The following ZNF232 variants were observed in gnomAD, a reference collection of about 807,000 sequenced individuals.
ZNF232 encodes the protein zinc finger and SCAN domain-containing protein 11.
A neutral mutation model predicts 25.2 loss-of-function variants in ZNF232; 25 were observed. The observed-to-expected ratio is 0.99, with a 90% CI of 0.72 to 1.39. ZNF232 has a LOEUF of 1.39. Ranked by LOEUF, ZNF232 falls within the 40% of genes most tolerant of loss-of-function variation. The pLI, the probability that ZNF232 is intolerant of heterozygous loss-of-function variation, is 0.00. For synonymous variants in ZNF232, 193 were observed against 182.9 expected (o/e 1.06, Z -0.45); for missense variants, 519 against 520.9 (o/e 1.00, Z 0.04).
intron 3 of ZNF232, among the ~76,000 whole-genome samples, chr17:5,106,923 C>T (rs1432651946): frequency 6.6e-6 from 1 of 152,042 alleles, no homozygotes; most frequent in Non-Finnish European, 1.5e-5. Flanking sequence ...AAAAACTGTG[C>T]CCTTCCTGGC....
intron 3 of ZNF232, among the ~76,000 whole-genome samples, chr17:5,106,959 C>G (rs770928431): frequency 5.3e-5 from 8 of 152,184 alleles, no homozygotes; most frequent in African/African-American, 1.9e-4. Flanking sequence ...TCTTCCCATC[C>G]GTTTCCCAGC....
At chr17:5,122,891 G>C (rs553476647) in intron 1 of ZNF232, 2 of 152,382 alleles carry the variant, frequency 1.3e-5, no homozygotes, top group Non-Finnish European at 2.9e-5. Context: ...GACGACGCGA[G>C]GGGGAGGGAC....
At chr17:5,117,258 C>G (rs2072558508) in intron 1 of ZNF232, among the ~76,000 whole-genome samples, 1 of 152,224 alleles carries the variant, frequency 6.6e-6, no homozygotes, top group Non-Finnish European at 1.5e-5. Context: ...GGGCTCAAGC[C>G]TCTAATCCCA....
chr17:5,111,449 T>G lies in ZNF232; in HGVS notation c.23+351A>C. 5 of 402,430 alleles carry G rather than the reference T, an allele frequency of 1.2e-5. No individual in the cohort carries two copies. In the South Asian group the frequency reaches 2.1e-4, roughly 17 times the overall value. The allele number at this position is 402,430 out of a possible 1,614,324, so 24.9% of individuals were successfully genotyped here. On this transcript the variant is annotated intron_variant, in intron 1 of 3. Coordinates refer to ENST00000575898, the Ensembl canonical transcript of ZNF232. ...GCGGAGCTCGCGTCTCCCAGGGTGA[T>G]GCCCGGCGCCGCTGGCCCCAGCAAA...
intron 1 of ZNF232, chr17:5,120,791 G>A: frequency 2.2e-6 from 1 of 449,480 alleles, no homozygotes; most frequent in Non-Finnish European, 4.5e-6. Context: ...TCAGCATGGT[G>A]GGTGGCCATA....
chr17:5,120,164 G>A (rs1394950221), intron 1 of ZNF232, among the ~76,000 whole-genome samples: 1 of 152,166 alleles, frequency 6.6e-6, no homozygotes, highest in Non-Finnish European at 1.5e-5. Context: ...CTTTGAGGCT[G>A]GTTATACATT....
intron 1 of ZNF232, among the ~76,000 whole-genome samples, chr17:5,120,044 C>T (rs1375254968): frequency 1.3e-5 from 2 of 152,144 alleles, no homozygotes; most frequent in East Asian, 1.9e-4. Flanking sequence ...AGTCAGGAGG[C>T]CTTACGTGCC....
intron 1 of ZNF232, among the ~76,000 whole-genome samples, chr17:5,119,688 A>G (rs2072608292): frequency 6.6e-6 from 1 of 152,244 alleles, no homozygotes; most frequent in Non-Finnish European, 1.5e-5. Context: ...TGAGTAACTC[A>G]GTGTAAGAAC....
chr17:5,112,382 A>C (rs1355228436), upstream of ZNF232: 1 of 152,886 alleles, frequency 6.5e-6, no homozygotes, highest in African/African-American at 2.4e-5. Flanking sequence ...AGGAGAAAAA[A>C]GAATTCTAAG....
intron 3 of ZNF232, among the ~76,000 whole-genome samples, chr17:5,107,543 CTTTTTT>C (rs563790270): frequency 2.8e-5 from 4 of 143,422 alleles, no homozygotes; most frequent in African/African-American, 1.1e-4. Context: ...GGTCATTTGA[CTTTTTT>C]TTTTTTTTTG....
intron 1 of ZNF232, among the ~76,000 whole-genome samples, chr17:5,122,801 G>C (rs901042067): frequency 3.9e-5 from 6 of 152,258 alleles, no homozygotes; most frequent in African/African-American, 1.4e-4. Context: ...GGTCGGGGCC[G>C]GTGGGTAGGG....
At chr17:5,109,708 C>G in exon 2 of ZNF232, 1 of 1,614,160 alleles carries the variant, frequency 6.2e-7, no homozygotes, top group South Asian at 1.1e-5. Context: ...GTCTCATACT[C>G]ACAAGACTGT....
chr17:5,108,999 T>C (rs772695740), exon 3 of ZNF232: 4 of 1,614,120 alleles, frequency 2.5e-6, no homozygotes, highest in Non-Finnish European at 3.4e-6. Context: ...CTCCCAGAGA[T>C]TCCTTCTTCT....
In ZNF232 at chr17:5,105,764, CAGTCCTAA is replaced by C. The variant is rs1673774015; in HGVS notation, c.*52_*59del. On this transcript the variant is annotated 3_prime_UTR_variant, in exon 4 of 4. Coordinates refer to ENST00000575898, the Ensembl canonical transcript of ZNF232. ...AGGAACTTATAACTTTTATGGGATC[CAGTCCTAA>C]AGTAGATTAGACCGATGTAGAATTC... The C allele has an allele frequency of 2.1e-6, 3 of 1,429,210 alleles. No homozygotes were observed. The Admixed American group carries it at 7.0e-5, about 33-fold the overall frequency. The allele number at this position is 1,429,210 out of a possible 1,614,324, so 88.5% of individuals were successfully genotyped here. A position where few individuals can be genotyped will look rare whatever the true frequency, so the allele number is the denominator to read the frequency against.
rs2072268261 is a variant in ZNF232, at chr17:5,106,661, T to G, written c.626-155A>C. On this transcript the variant is annotated intron_variant, in intron 3 of 3. Coordinates refer to ENST00000575898, the Ensembl canonical transcript of ZNF232. ...TTACTGGATATTGCCAACAGTTATCTCTTGGTGATGGGACTATACAGAGGA... is the reference window on the plus strand; with the variant it reads ...TTACTGGATATTGCCAACAGTTATCGCTTGGTGATGGGACTATACAGAGGA... 3.7e-6 allele frequency: 3 copies of G among 800,196 alleles called. No individual in the cohort carries two copies. In the East Asian group the frequency reaches 8.1e-5, roughly 21 times the overall value. The allele number at this position is 800,196 out of a possible 1,614,324, so 49.6% of individuals were successfully genotyped here. A position where few individuals can be genotyped will look rare whatever the true frequency, so the allele number is the denominator to read the frequency against.
chr17:5,105,809 G>C, exon 4 of ZNF232: 2 of 1,554,388 alleles, frequency 1.3e-6, no homozygotes, highest in Non-Finnish European at 1.7e-6. Context: ...GTCTGGAGAC[G>C]TTCTCCCCTT....
chr17:5,106,571 A>G (rs371679621), intron 3 of ZNF232, 38 bp from the exon 4 acceptor site: 49 of 1,505,780 alleles, frequency 3.3e-5, no homozygotes, highest in East Asian at 2.5e-4. Context: ...ATTAAAATGT[A>G]TATTTCTGGA....
chr17:5,114,886 C>T (rs2072492827), upstream of ZNF232: 1 of 152,234 alleles, frequency 6.6e-6, no homozygotes. Context: ...TCTCTCTCTG[C>T]CATGTGAGGA....
intron 1 of ZNF232, chr17:5,111,324 T>A (rs1361700551): frequency 1.2e-5 from 2 of 170,700 alleles, no homozygotes; most frequent in African/African-American, 4.7e-5. Context: ...GAGATTTTAT[T>A]TTCCTTTCAC....
Sources: allele counts gnomAD v4.1 joint callset (sites outside exome capture counted in the v4.1 genomes callset), GRCh38; gene constraint gnomAD v4.1.1; transcripts MANE v1.5; gene names NCBI Gene and HGNC (gene_info 2026-07-23, HGNC 2026-07-21).